MAP1LC3B: variants seen among roughly 807,000 people sequenced by gnomAD.
The protein encoded by MAP1LC3B is microtubule-associated protein 1 light chain 3 beta.
MAP1LC3B carries 12 observed loss-of-function variants against 16.7 expected under a neutral mutation model. The ratio of observed to expected loss-of-function variants is 0.72; its 90% CI spans 0.46 to 1.16. The LOEUF (loss-of-function observed/expected upper bound fraction) is 1.16, where lower values mean the gene tolerates loss of function less well. MAP1LC3B is among the 50% of genes most tolerant of loss of function. MAP1LC3B has a pLI of 0.00. For missense variants in MAP1LC3B, 155 were observed against 159.5 expected (o/e 0.97, Z 0.15); for synonymous variants, 63 against 56.5 (o/e 1.11, Z -0.51).
rs1204004797 is a variant in MAP1LC3B at position 87,404,384 on chromosome 16, A to G, written c.*1287A>G. The stretch of plus-strand genomic sequence containing the variant: ...TTGTGTGTTTAGATGTGTATGAAAT[A>G]CCTGTATACGTTAGTGAAAGCTGTT... On this transcript the variant is annotated 3_prime_UTR_variant, in exon 4 of 4. Coordinates refer to ENST00000268607, the MANE Select transcript of MAP1LC3B (RefSeq NM_022818.5). The G allele has an allele frequency of 5.9e-5, 9 of 152,108 alleles. No homozygotes were observed. The highest frequency in any genetic ancestry group is 2.2e-4 in the African/African-American group (9 of 41,394). 9.4% of individuals were successfully genotyped at this position (152,108 alleles called of 1,614,324 possible).
intron 2 of MAP1LC3B, chr16:87,399,289 G>T: frequency 3.7e-6 from 1 of 267,908 alleles, no homozygotes; most frequent in South Asian, 3.7e-5. Context: ...TGGGATTATA[G>T]GCATGAGCCA....
At chr16:87,402,623 C>T (rs1338522270) in intron 3 of MAP1LC3B, 5 of 527,432 alleles carry the variant, frequency 9.5e-6, no homozygotes, top group Non-Finnish European at 1.7e-5. Flanking sequence ...GTAAATGGCA[C>T]AGGCTTAGAT....
In MAP1LC3B at chr16:87,399,660, G is replaced by A. The variant is rs1034527302; in HGVS notation, c.96+790G>A. On this transcript the variant is annotated intron_variant, in intron 2 of 3. Coordinates refer to ENST00000268607, the MANE Select transcript of MAP1LC3B (RefSeq NM_022818.5). ...GCGTTCAGTAAACACAGACACTAAT[G>A]AGACTCAGAGGCTCATCTGTGGTCA... is the stretch of plus-strand genomic sequence containing the variant. The A allele has an allele frequency of 6.6e-6, 3 of 453,046 alleles. No homozygotes were observed. The Admixed American group carries it at 7.1e-5, about 11-fold the overall frequency. The allele number at this position is 453,046 out of a possible 1,614,324, so 28.1% of individuals were successfully genotyped here.
In MAP1LC3B at chr16:87,392,380, C is replaced by G; in HGVS notation, c.-48C>G. 7.1e-7 allele frequency: 1 copy of G among 1,403,208 alleles called. No homozygotes were observed. The highest frequency in any genetic ancestry group is 9.2e-7 in the Non-Finnish European group (1 of 1,086,974). The allele number at this position is 1,403,208 out of a possible 1,614,324, so 86.9% of individuals were successfully genotyped here. A position where few individuals can be genotyped will look rare whatever the true frequency, so the allele number is the denominator to read the frequency against. On this transcript the variant is annotated 5_prime_UTR_variant, in exon 1 of 4. Coordinates refer to ENST00000268607, the MANE Select transcript of MAP1LC3B (RefSeq NM_022818.5). ...CAGCAGCCGCCGCCCCCGGGAGCCGCCGGGACCCTCGCGTCGTCGCCGCCG... is the reference window on the plus strand; with the variant it reads ...CAGCAGCCGCCGCCCCCGGGAGCCGGCGGGACCCTCGCGTCGTCGCCGCCG...
rs929349531 is a variant in MAP1LC3B, at chr16:87,397,859, C to CTT, written c.41-946_41-945dup. ...TCTAAGTCATATGTTCACATATTGC[C>CTT]TTTTTTTTTTTAACACACATATTGC... On this transcript the variant is annotated intron_variant, in intron 1 of 3. Coordinates refer to ENST00000268607, the MANE Select transcript of MAP1LC3B (RefSeq NM_022818.5). Among the ~76,000 whole-genome samples, 25 of 143,964 alleles carry CTT rather than the reference C, an allele frequency of 1.7e-4. 1 individual carries two copies. The Middle Eastern group carries it at 0.014, about 82-fold the overall frequency. 94.4% of individuals were successfully genotyped at this position (143,964 alleles called of 152,430 possible).
chr16:87,402,108 T>TA (rs1908015157), intron 2 of MAP1LC3B, 67 bp from the exon 3 acceptor site: 1 of 1,540,676 alleles, frequency 6.5e-7, no homozygotes, highest in Admixed American at 1.7e-5. Context: ...ATGCTGGGGT[T>TA]ACAGGTGTGA....
At position 87,402,680 on chromosome 16, in the gene MAP1LC3B, A is replaced by G. The variant is rs529984518; in HGVS notation, c.204-243A>G. 52 of 580,342 alleles carry G rather than the reference A, an allele frequency of 9.0e-5. No individual in the cohort carries two copies. In the South Asian group the frequency reaches 1.0e-3, roughly 11 times the overall value. The allele number at this position is 580,342 out of a possible 1,614,324, so 35.9% of individuals were successfully genotyped here. A position where few individuals can be genotyped will look rare whatever the true frequency, so the allele number is the denominator to read the frequency against. The stretch of plus-strand genomic sequence containing the variant: ...TATTTGAACTGCTTTCTTATATTAG[A>G]CAGTTTAACAGCTGTTCAGACAGTA... On this transcript the variant is annotated intron_variant, in intron 3 of 3. Transcript: ENST00000268607.
intron 3 of MAP1LC3B, chr16:87,402,602 T>C (rs1908033910): frequency 3.7e-6 from 2 of 535,378 alleles, no homozygotes; most frequent in East Asian, 6.4e-5. Context: ...ATGTAGACTC[T>C]GTGAGTGGCA....
At chr16:87,400,748 G>C (rs1907962900) in intron 2 of MAP1LC3B, among the ~76,000 whole-genome samples, 1 of 150,812 alleles carries the variant, frequency 6.6e-6, no homozygotes, top group South Asian at 2.1e-4. Context: ...ATGTTTCCCA[G>C]GTGGGCCTGG....
chr16:87,395,547 G>A (rs1907768400), intron 1 of MAP1LC3B, among the ~76,000 whole-genome samples: 1 of 152,230 alleles, frequency 6.6e-6, no homozygotes, highest in African/African-American at 2.4e-5. Context: ...CTCTAAAACA[G>A]CTGTCTCCTG....
At position 87,403,655 on chromosome 16, in the gene MAP1LC3B, CTG is replaced by C. The variant is rs1165158977; in HGVS notation, c.*560_*561del. 1 of 152,566 alleles carries C rather than the reference CTG, an allele frequency of 6.6e-6. No individual in the cohort carries two copies. The highest frequency in any genetic ancestry group is 1.5e-5 in the Non-Finnish European group (1 of 68,316). The allele number at this position is 152,566 out of a possible 1,614,324, so 9.5% of individuals were successfully genotyped here. On this transcript the variant is annotated 3_prime_UTR_variant, in exon 4 of 4. Transcript: ENST00000268607. ...GGGCTGTGTGAGAAAACGGCCCTGA[CTG>C]TAAACTGCTGAAGGTCCCTGACTCC...
chr16:87,394,137 A>G (rs770218194), intron 1 of MAP1LC3B, among the ~76,000 whole-genome samples: 12 of 152,028 alleles, frequency 7.9e-5, no homozygotes, highest in Non-Finnish European at 1.8e-4. Flanking sequence ...GACCTTGTAT[A>G]TACTGTATTT....
intron 1 of MAP1LC3B, among the ~76,000 whole-genome samples, chr16:87,394,189 C>A (rs1185474444): frequency 6.6e-6 from 1 of 152,026 alleles, no homozygotes; most frequent in Non-Finnish European, 1.5e-5. Context: ...TTGCCCCCTC[C>A]CCTTTAAATA....
chr16:87,401,132 C>CAAAAA (rs10543884), intron 2 of MAP1LC3B, among the ~76,000 whole-genome samples: 1 of 67,574 alleles, frequency 1.5e-5, no homozygotes, highest in African/African-American at 5.5e-5. Flanking sequence ...GACTCTGTCT[C>CAAAAA]AAAAAAAAAA....
At chr16:87,400,704 C>CTT (rs764527064) in intron 2 of MAP1LC3B, among the ~76,000 whole-genome samples, 5 of 139,162 alleles carry the variant, frequency 3.6e-5, no homozygotes, top group Non-Finnish European at 1.6e-5. Context: ...CAGGCATTTA[C>CTT]TTTTTTTTTT....
chr16:87,401,132 CAAAAAAAAAAAA>C (rs10543884), intron 2 of MAP1LC3B, among the ~76,000 whole-genome samples: 1 of 67,576 alleles, frequency 1.5e-5, no homozygotes, highest in East Asian at 4.2e-4. Context: ...GACTCTGTCT[CAAAAAAAAAAAA>C]AAAAAAAAAA....
intron 1 of MAP1LC3B, chr16:87,392,936 G>C (rs952004790): frequency 5.3e-5 from 8 of 152,260 alleles, no homozygotes; most frequent in African/African-American, 1.7e-4. Context: ...GACCCAGCGC[G>C]TCACCTTCAG....
chr16:87,394,338 C>T (rs368490848), intron 1 of MAP1LC3B, among the ~76,000 whole-genome samples: 2 of 152,062 alleles, frequency 1.3e-5, no homozygotes, highest in East Asian at 3.9e-4. Flanking sequence ...TGAGTACTGA[C>T]AGTTTTCAGA....
In MAP1LC3B at chr16:87,402,231, G is replaced by A; in HGVS notation, c.153G>A (p.Lys51=). ...AGCTTCCTGTTCTGGATAAAACAAA[G>A]TTCCTTGTACCTGACCATGTCAACA... ...EKQLPVLDKT[K]FLVPDHVNMS... is the part of the protein sequence containing the mutation. Residue 51 remains lysine (K), a synonymous_variant, in exon 3 of 4, where the codon AAG becomes AAA. Coordinates refer to ENST00000268607, the MANE Select transcript of MAP1LC3B (RefSeq NM_022818.5). 1 of 1,614,146 alleles carries A rather than the reference G, an allele frequency of 6.2e-7. No homozygotes were observed. Among genetic ancestry groups the A allele is most frequent in the Non-Finnish European group, 8.5e-7 (1 of 1,180,020 alleles).
Sources: gnomAD v4.1 joint callset for allele counts (sites outside exome capture counted in the v4.1 genomes callset) on GRCh38, gnomAD v4.1.1 for gene constraint, MANE v1.5 for transcripts, NCBI Gene and HGNC (gene_info 2026-07-23, HGNC 2026-07-21) for gene names.